KLHL13: variants seen among roughly 807,000 people sequenced by gnomAD.
KLHL13 encodes kelch-like protein 13.
Under a neutral mutation model 37.1 loss-of-function variants are expected in KLHL13, and 10 were observed. The ratio of observed to expected loss-of-function variants is 0.27; its 90% CI spans 0.17 to 0.46. KLHL13 has a LOEUF of 0.46. Among genes scored for constraint, KLHL13 ranks in the 20% least tolerant of loss-of-function variants. KLHL13 has a pLI of 1.00. For missense variants in KLHL13, 360 were observed against 509.3 expected (o/e 0.71, Z 2.82); for synonymous variants, 163 against 181.2 (o/e 0.90, Z 0.81).
chrX:118,056,539 G>A (rs2054686822), intron 1 of KLHL13, among the ~76,000 whole-genome samples: 1 of 111,267 alleles, frequency 9.0e-6, no homozygotes, highest in Non-Finnish European at 1.9e-5. Context: ...TATCTGTCCT[G>A]GGTAAAAAAA....
At chrX:118,089,206 C>T (rs997674248) in intron 1 of KLHL13, among the ~76,000 whole-genome samples, 7 of 111,173 alleles carry the variant, frequency 6.3e-5, no homozygotes, top group South Asian at 3.9e-4. Context: ...CTCCTTTCTG[C>T]GCTGGGATGG....
chrX:118,038,539 C>T (rs772360914), intron 1 of KLHL13, among the ~76,000 whole-genome samples: 13 of 111,146 alleles, frequency 1.2e-4, no homozygotes, highest in Non-Finnish European at 1.7e-4. Context: ...GAACTCAGTG[C>T]TACCCTGTCA....
chrX:118,094,054 A>C (rs2055171111), intron 1 of KLHL13, among the ~76,000 whole-genome samples: 2 of 109,948 alleles, frequency 1.8e-5, no homozygotes, highest in Non-Finnish European at 3.8e-5. Context: ...TGAGAGAAGA[A>C]GGCTTCAGAC....
chrX:118,074,076 T>C (rs2054903021), intron 1 of KLHL13, among the ~76,000 whole-genome samples: 1 of 112,161 alleles, frequency 8.9e-6, no homozygotes. Flanking sequence ...TAGTTGCTCA[T>C]TATAGTCACA....
At chrX:117,948,970 C>T (rs1252198431) in intron 1 of KLHL13, among the ~76,000 whole-genome samples, 4 of 112,041 alleles carry the variant, frequency 3.6e-5, no homozygotes, top group African/African-American at 1.3e-4. Context: ...GGAAAAAAAG[C>T]CTAAGCCATT....
At chrX:117,966,701 C>T (rs2053439563) in intron 1 of KLHL13, among the ~76,000 whole-genome samples, 1 of 110,861 alleles carries the variant, frequency 9.0e-6, no homozygotes, top group Non-Finnish European at 1.9e-5. Context: ...GGTACTGGTA[C>T]CAAAACAGAG....
At chrX:118,076,210 A>G (rs751279640) in intron 1 of KLHL13, among the ~76,000 whole-genome samples, 1 of 111,808 alleles carries the variant, frequency 8.9e-6, no homozygotes, top group Non-Finnish European at 1.9e-5. Context: ...AAAGAGGAGC[A>G]TAAGAAGAGA....
intron 1 of KLHL13, among the ~76,000 whole-genome samples, chrX:118,001,868 CAA>C (rs35056707): frequency 1.5e-3 from 63 of 41,713 alleles, no homozygotes; most frequent in African/African-American, 2.5e-3. Flanking sequence ...AAGACCCCGT[CAA>C]AAAAAAAAAA....
At chrX:117,933,467 A>G (rs1932568641) in intron 2 of KLHL13, among the ~76,000 whole-genome samples, 1 of 111,780 alleles carries the variant, frequency 8.9e-6, no homozygotes, top group Non-Finnish European at 1.9e-5. Flanking sequence ...CACATATGGA[A>G]GAATGAAATT....
At chrX:118,039,808 T>C (rs1482120282) in intron 1 of KLHL13, among the ~76,000 whole-genome samples, 1 of 111,166 alleles carries the variant, frequency 9.0e-6, no homozygotes, top group African/African-American at 3.3e-5. Context: ...TAGCATCAGG[T>C]GGGACCCAGT....
At chrX:118,034,149 T>C (rs2054401279) in intron 1 of KLHL13, among the ~76,000 whole-genome samples, 1 of 99,462 alleles carries the variant, frequency 1.0e-5, no homozygotes, top group Non-Finnish European at 1.9e-5. Flanking sequence ...ATGGGAGACT[T>C]TAACACTCCA....
chrX:117,998,220 T>C (rs923718938), intron 1 of KLHL13, among the ~76,000 whole-genome samples: 1 of 111,904 alleles, frequency 8.9e-6, no homozygotes, highest in African/African-American at 3.2e-5. Flanking sequence ...TTTTGAGACA[T>C]TTCCCTAAAA....
chrX:118,079,428 A>C (rs2054965440), intron 1 of KLHL13, among the ~76,000 whole-genome samples: 1 of 111,236 alleles, frequency 9.0e-6, no homozygotes, highest in Admixed American at 9.6e-5. Flanking sequence ...GAACTGATAA[A>C]CCATTTTAGC....
At chrX:118,049,654 A>G (rs899088847) in intron 1 of KLHL13, among the ~76,000 whole-genome samples, 2 of 110,430 alleles carry the variant, frequency 1.8e-5, no homozygotes, top group Non-Finnish European at 3.8e-5. Flanking sequence ...CACCCTAACA[A>G]AATAACAGTT....
chrX:118,093,887 C>A (rs2055168726), intron 1 of KLHL13, among the ~76,000 whole-genome samples: 1 of 109,077 alleles, frequency 9.2e-6, no homozygotes, highest in South Asian at 4.1e-4. Context: ...CTTTTTCTCT[C>A]GGGGGTGGAG....
At position 118,068,193 on chromosome X, in the gene KLHL13, A is replaced by C. The variant is rs6646061; in HGVS notation, c.-56+48315T>G. Among the ~76,000 whole-genome samples, 772 of 111,698 alleles carry C rather than the reference A, an allele frequency of 6.9e-3. 6 individuals are homozygous for C. The highest frequency in any genetic ancestry group is 0.022 in the African/African-American group (678 of 30,703). ...ACTATAATATCGCATTCTTATTTAC[A>C]CATCTCTGCACACACACAATTTCTG... On this transcript the variant is annotated intron_variant, in intron 1 of 6. Transcript: ENST00000371882.
exon 7 of KLHL13, chrX:117,898,773 G>T: frequency 4.2e-6 from 3 of 716,517 alleles, no homozygotes; most frequent in Non-Finnish European, 6.1e-6. Flanking sequence ...TAACATCAAT[G>T]TTGTCTTTTT....
At chrX:117,902,376 T>A (rs182940913) in intron 5 of KLHL13, among the ~76,000 whole-genome samples, 58 of 112,223 alleles carry the variant, frequency 5.2e-4, no homozygotes, top group Middle Eastern at 4.6e-3. Context: ...AGCAAACTTT[T>A]ACATTGAGAA....
chrX:117,933,500 C>A (rs1411075546), intron 2 of KLHL13, among the ~76,000 whole-genome samples: 2 of 111,409 alleles, frequency 1.8e-5, no homozygotes, highest in Non-Finnish European at 3.8e-5. Flanking sequence ...CACACAAAAA[C>A]CAACTATAAA....
Sources: allele counts gnomAD v4.1 joint callset (sites outside exome capture counted in the v4.1 genomes callset), GRCh38; gene constraint gnomAD v4.1.1; transcripts MANE v1.5; gene names NCBI Gene and HGNC (gene_info 2026-07-23, HGNC 2026-07-21).